The following BLK variants were observed in gnomAD, a reference collection of about 807,000 sequenced individuals.
BLK encodes the protein tyrosine-protein kinase Blk.
A neutral mutation model predicts 61.8 loss-of-function variants in BLK; 64 were observed. That is an observed-to-expected ratio of 1.03 (90% CI 0.85 to 1.27). BLK has a LOEUF of 1.27. Among genes scored for constraint, BLK ranks in the 50% most tolerant of loss-of-function variants. BLK has a pLI of 0.00. For synonymous variants in BLK, 351 were observed against 272.0 expected, an observed-to-expected ratio of 1.29 and a Z score of -2.86; for missense variants, 853 against 660.5, an observed-to-expected ratio of 1.29 and a Z score of -3.19.
chr8:11,560,760 G>A (rs774498927), intron 10 of BLK: 7 of 435,998 alleles, frequency 1.6e-5, no homozygotes, highest in Admixed American at 2.4e-5. Context: ...AATCAACCTC[G>A]TCTAATGCTT....
chr8:11,547,294 G>A (rs1259717599), intron 3 of BLK, among the ~76,000 whole-genome samples: 1 of 152,202 alleles, frequency 6.6e-6, no homozygotes, highest in East Asian at 1.9e-4. Flanking sequence ...CCAGCCCGAG[G>A]TCACAACACT....
At chr8:11,533,894 C>G (rs1444335029) in intron 1 of BLK, among the ~76,000 whole-genome samples, 1 of 152,224 alleles carries the variant, frequency 6.6e-6, no homozygotes, top group Non-Finnish European at 1.5e-5. Flanking sequence ...GGATCACTGG[C>G]AGTAAAACTG....
chr8:11,505,547 C>G lies in BLK; in HGVS notation c.-2+10956C>G, dbSNP rs895146619. Reference sequence around the variant, plus strand: ...CTCCTTTCTCCAATTTGCTCCCAAGCTCCATTGCTTTCGTTCAGGCCCTCC... The same window carrying G: ...CTCCTTTCTCCAATTTGCTCCCAAGGTCCATTGCTTTCGTTCAGGCCCTCC... On this transcript the variant is annotated intron_variant, in intron 1 of 12. Transcript: ENST00000259089. 2.0e-5 allele frequency among the ~76,000 whole-genome samples: 3 copies of G among 152,188 alleles called. No individual in the cohort carries two copies. The East Asian group carries it at 5.8e-4, about 29-fold the overall frequency.
chr8:11,559,324 G>C (rs1026640877), intron 10 of BLK, among the ~76,000 whole-genome samples: 2 of 126,454 alleles, frequency 1.6e-5, no homozygotes, highest in Admixed American at 1.5e-4. Flanking sequence ...TAAAAACACA[G>C]ACTCACACAC....
At chr8:11,521,415 C>T (rs1799441693) in intron 1 of BLK, among the ~76,000 whole-genome samples, 1 of 152,160 alleles carries the variant, frequency 6.6e-6, no homozygotes, top group African/African-American at 2.4e-5. Flanking sequence ...CTAAGCCTCC[C>T]GAGTAGCTGG....
intron 1 of BLK, among the ~76,000 whole-genome samples, chr8:11,510,571 C>T (rs572520956): frequency 1.2e-4 from 19 of 152,194 alleles, no homozygotes; most frequent in South Asian, 4.2e-4. Context: ...AGGTTCTCAA[C>T]GGGGGCTGTG....
At chr8:11,513,584 T>C (rs1799108059) in intron 1 of BLK, among the ~76,000 whole-genome samples, 2 of 152,164 alleles carry the variant, frequency 1.3e-5, no homozygotes, top group South Asian at 2.1e-4. Flanking sequence ...TCAGAGATCA[T>C]CCACCCACAG....
intron 1 of BLK, among the ~76,000 whole-genome samples, chr8:11,529,639 G>T (rs758894372): frequency 6.6e-6 from 1 of 152,140 alleles, no homozygotes; most frequent in South Asian, 2.1e-4. Flanking sequence ...TCCTACAAAG[G>T]CATCTAGTTC....
intron 5 of BLK, among the ~76,000 whole-genome samples, chr8:11,549,487 G>C (rs1368616247): frequency 6.6e-6 from 1 of 152,224 alleles, no homozygotes; most frequent in Non-Finnish European, 1.5e-5. Flanking sequence ...GCCCTCGGGG[G>C]CTCCCAGGAG....
At chr8:11,547,627 GAGGAGGAAA>G (rs1442126210) in intron 3 of BLK, among the ~76,000 whole-genome samples, 2 of 152,252 alleles carry the variant, frequency 1.3e-5, no homozygotes, top group Admixed American at 6.5e-5. Flanking sequence ...AGGCGGGGCA[GAGGAGGAAA>G]AGGATAAGAG....
At chr8:11,500,265 C>G (rs1192169559) in intron 1 of BLK, among the ~76,000 whole-genome samples, 1 of 152,170 alleles carries the variant, frequency 6.6e-6, no homozygotes, top group Non-Finnish European at 1.5e-5. Flanking sequence ...TTGATCTCAG[C>G]TCACTACATC....
intron 1 of BLK, among the ~76,000 whole-genome samples, chr8:11,541,590 T>A (rs1800384482): frequency 6.6e-6 from 1 of 151,816 alleles, no homozygotes; most frequent in Non-Finnish European, 1.5e-5. Flanking sequence ...CTCCGCCTCC[T>A]GGGTTCAAGT....
At chr8:11,536,261 T>C (rs2117405578) in intron 1 of BLK, among the ~76,000 whole-genome samples, 1 of 152,360 alleles carries the variant, frequency 6.6e-6, no homozygotes, top group African/African-American at 2.4e-5. Flanking sequence ...TTTCATGTTG[T>C]TTCCAAGTTT....
chr8:11,525,414 C>A (rs1284073311), intron 1 of BLK, among the ~76,000 whole-genome samples: 1 of 152,146 alleles, frequency 6.6e-6, no homozygotes, highest in African/African-American at 2.4e-5. Flanking sequence ...TTTTCATCTG[C>A]AAATGTGTTA....
At chr8:11,563,254 G>C in intron 12 of BLK, 144 bp downstream of exon 12, 1 of 1,241,474 alleles carries the variant, frequency 8.1e-7, no homozygotes, top group South Asian at 1.5e-5. Context: ...CATGGCATCT[G>C]GGGTGGAGCT....
At chr8:11,501,490 T>A (rs1468466476) in intron 1 of BLK, among the ~76,000 whole-genome samples, 2 of 152,176 alleles carry the variant, frequency 1.3e-5, no homozygotes, top group African/African-American at 4.8e-5. Context: ...ATAGGCATCT[T>A]GTAGATGAAG....
chr8:11,526,547 C>T (rs1441386498), intron 1 of BLK, among the ~76,000 whole-genome samples: 1 of 152,046 alleles, frequency 6.6e-6, no homozygotes, highest in Admixed American at 6.6e-5. Context: ...GATGAAACCC[C>T]ATCTCTAATA....
intron 1 of BLK, among the ~76,000 whole-genome samples, chr8:11,517,104 GC>G (rs1477556937): frequency 2.0e-5 from 3 of 152,210 alleles, no homozygotes; most frequent in Admixed American, 1.3e-4. Context: ...ACAGTGGGCT[GC>G]CTTTGGGAAT....
chr8:11,556,702 G>A lies in BLK; in HGVS notation c.817G>A (p.Glu273Lys), dbSNP rs768937409. 1 of 1,614,204 alleles carries A rather than the reference G, an allele frequency of 6.2e-7. No homozygotes were observed. Among genetic ancestry groups the A allele is most frequent in the Non-Finnish European group, 8.5e-7 (1 of 1,180,042 alleles). The part of the protein sequence containing the change: ...NMKVAIKTLK[E>K]GTMSPEAFLG... ...GAAGGTGGCCATTAAGACGCTGAAG[G>A]AGGGAACCATGTCTCCAGAAGCCTT... The change falls in exon 9 of 13, where the codon GAG becomes AAG. Residue 273 changes from glutamate to lysine, a missense_variant. Physicochemically the swap from Glu to Lys is moderately conservative, Grantham distance 56 (BLOSUM62 1). Transcript: ENST00000259089.
Sources: gnomAD v4.1 joint callset for allele counts (sites outside exome capture counted in the v4.1 genomes callset) on GRCh38, gnomAD v4.1.1 for gene constraint, MANE v1.5 for transcripts, NCBI Gene and HGNC (gene_info 2026-07-23, HGNC 2026-07-21) for gene names.